Variants in MGAT5B observed in about 807,000 individuals in gnomAD.
MGAT5B encodes alpha-1,6-mannosylglycoprotein 6-beta-N-acetylglucosaminyltransferase B.
A neutral mutation model predicts 95.1 loss-of-function variants in MGAT5B; 54 were observed. That is an observed-to-expected ratio of 0.57 (90% CI 0.46 to 0.71). The LOEUF is 0.71. Ranked by LOEUF, MGAT5B falls within the 30% of genes least tolerant of loss-of-function variation. The pLI, the probability that MGAT5B is intolerant of heterozygous loss-of-function variation, is 0.00. For synonymous variants in MGAT5B, 464 were observed against 451.0 expected (o/e 1.03, Z -0.36); for missense variants, 935 against 1,088.6 (o/e 0.86, Z 1.99).
chr17:76,903,231 C>T (rs937757790), intron 4 of MGAT5B, 72 bp from the exon 5 acceptor site: 1 of 1,211,884 alleles, frequency 8.3e-7, no homozygotes, highest in East Asian at 2.5e-5. Flanking sequence ...GAAGCTGCCT[C>T]CCGCACGCAG....
intron 3 of MGAT5B, among the ~76,000 whole-genome samples, chr17:76,887,500 T>TCC (rs1967693228): frequency 1.7e-5 from 1 of 58,324 alleles, no homozygotes; most frequent in Non-Finnish European, 2.7e-5. Context: ...CCTCCCTTCC[T>TCC]CTCTCCCTCC....
intron 8 of MGAT5B, among the ~76,000 whole-genome samples, 184 bp from the exon 9 acceptor site, chr17:76,924,782 T>C (rs1322203390): frequency 6.6e-6 from 1 of 152,202 alleles, no homozygotes; most frequent in East Asian, 1.9e-4. Flanking sequence ...TGCCCCTTGC[T>C]GGATTGCCTT....
In MGAT5B at chr17:76,938,267, G is replaced by A; in HGVS notation, c.1584+124G>A. The stretch of plus-strand genomic sequence containing the variant: ...TGGACATACCCCAGCATGCTCTGCT[G>A]CCCTGAGCCCCACATCTGGCCAGAG... On this transcript the variant is annotated intron_variant, in intron 13 of 17. Transcript: ENST00000569840. This position sits in a 1 kb window ranked among gnomAD's most constrained non-coding sequence, Gnocchi z 4.3. 1 of 1,290,276 alleles carries A rather than the reference G, an allele frequency of 7.8e-7. No individual in the cohort carries two copies. The highest frequency in any genetic ancestry group is 1.1e-6 in the Non-Finnish European group (1 of 935,402). 79.9% of individuals were successfully genotyped at this position (1,290,276 alleles called of 1,614,324 possible).
chr17:76,943,201 T>C (rs1969922428), intron 15 of MGAT5B, among the ~76,000 whole-genome samples: 1 of 140,944 alleles, frequency 7.1e-6, no homozygotes, highest in South Asian at 2.1e-4. Flanking sequence ...TCCTGTTTGG[T>C]TTTTTTTTAC....
chr17:76,923,660 C>G (rs1555597073), intron 8 of MGAT5B, among the ~76,000 whole-genome samples: 1 of 152,222 alleles, frequency 6.6e-6, no homozygotes, highest in Non-Finnish European at 1.5e-5. Context: ...GATCTCTGCT[C>G]CAGCACCCCC....
rs1295923206 is a variant in MGAT5B at position 76,869,284 on chromosome 17, G to A, written c.68+187G>A. 6.6e-6 allele frequency among the ~76,000 whole-genome samples: 1 copy of A among 152,038 alleles called. No individual in the cohort carries two copies. On this transcript the variant is annotated intron_variant, in intron 1 of 17. Coordinates refer to ENST00000569840, the MANE Select transcript of MGAT5B (RefSeq NM_001199172.2). This position sits in a 1 kb window ranked among gnomAD's most constrained non-coding sequence, Gnocchi z 7.0. Reference sequence around the variant, plus strand: ...TGGGGTTCGGGGTGCGGATGGGGAGGGTTGTGTTATTCGGGGACCTGTCCC... The same window carrying A: ...TGGGGTTCGGGGTGCGGATGGGGAGAGTTGTGTTATTCGGGGACCTGTCCC...
chr17:76,882,361 G>A (rs867627282), intron 3 of MGAT5B, 63 bp downstream of exon 3: 7 of 1,529,922 alleles, frequency 4.6e-6, no homozygotes, highest in Middle Eastern at 4.3e-4. Flanking sequence ...CACTCCATCC[G>A]GGGTGCTGTC....
chr17:76,868,916 G>T lies in MGAT5B; in HGVS notation c.-114G>T, dbSNP rs535829731. On this transcript the variant is annotated 5_prime_UTR_variant, in exon 1 of 18. Transcript: ENST00000569840. The surrounding 1 kb of genome is among the most constrained non-coding windows in gnomAD (Gnocchi z 6.3). The stretch of plus-strand genomic sequence containing the variant: ...CACCGGGCCGCGCGCTCCCAGCTTC[G>T]CTCGGACGCGGCTTCGGCCCGCAGA... 11 of 988,914 alleles carry T rather than the reference G, an allele frequency of 1.1e-5. No homozygotes were observed. The highest frequency in any genetic ancestry group is 1.7e-5 in the African/African-American group (1 of 58,720). 61.3% of individuals were successfully genotyped at this position (988,914 alleles called of 1,614,324 possible). A position where few individuals can be genotyped will look rare whatever the true frequency, so the allele number is the denominator to read the frequency against.
intron 10 of MGAT5B, 147 bp from the exon 11 acceptor site, chr17:76,932,498 G>A: frequency 1.7e-6 from 2 of 1,174,006 alleles, no homozygotes; most frequent in Non-Finnish European, 2.4e-6. Flanking sequence ...CCGGGGCACT[G>A]ATTACACCCT....
Position 76,905,961 on chromosome 17 carries a change from G to T in MGAT5B, c.856-57G>T. On this transcript the variant is annotated intron_variant, in intron 7 of 17. Coordinates refer to ENST00000569840, the MANE Select transcript of MGAT5B (RefSeq NM_001199172.2). This position sits in a 1 kb window ranked among gnomAD's most constrained non-coding sequence, Gnocchi z 4.2. Reference sequence around the variant, plus strand: ...GGTCTCCTGGCCGGTGCCCCGGGGGGGCGGGGCTCAGAGCTGCTGCTCCTC... The same window carrying T: ...GGTCTCCTGGCCGGTGCCCCGGGGGTGCGGGGCTCAGAGCTGCTGCTCCTC... 2.0e-6 allele frequency: 3 copies of T among 1,505,592 alleles called. No individual in the cohort carries two copies. The highest frequency in any genetic ancestry group is 2.7e-6 in the Non-Finnish European group (3 of 1,129,038). 93.3% of individuals were successfully genotyped at this position (1,505,592 alleles called of 1,614,324 possible).
chr17:76,902,546 C>A lies in MGAT5B; in HGVS notation c.330-9C>A. On this transcript the variant is annotated splice_polypyrimidine_tract_variant and intron_variant, in intron 3 of 17. Transcript: ENST00000569840. ...GTTCTGTGGCTCACCTCTGGCTTTT[C>A]CCACTTAGGATGCCCCCTGGGGCCG... The A allele has an allele frequency of 6.4e-7, 1 of 1,570,454 alleles. No individual in the cohort carries two copies. Among genetic ancestry groups the A allele is most frequent in the Non-Finnish European group, 8.7e-7 (1 of 1,155,798 alleles).
In MGAT5B at chr17:76,903,338, A is replaced by G. The variant is rs777308656; in HGVS notation, c.481A>G (p.Ser161Gly). The G allele has an allele frequency of 1.2e-6, 2 of 1,610,442 alleles. No homozygotes were observed. Among genetic ancestry groups the G allele is most frequent in the East Asian group, 2.2e-5 (1 of 44,560 alleles). ...CCGGCGGGACCAGTGTGAGGCACCC[A>G]GTGACCCCAAGTTCCCTGACTGCTC... ...EGRRDQCEAP[S>G]DPKFPDCSGK... The change falls in exon 5 of 18, where the codon AGT (serine) becomes GGT (glycine). Residue 161 changes from serine (S) to glycine (G), a missense_variant. Physicochemically the swap from Ser to Gly is moderately conservative, Grantham distance 56. This residue lies in a region of MGAT5B where 243 missense variants were observed against 228.2 expected (regional missense o/e 1.06). Transcript: ENST00000569840.
chr17:76,925,149 G>C lies in MGAT5B; in HGVS notation c.1157+52G>C, dbSNP rs755310603. ...CGTGGCCCACATGCCAGGGGAGAAA[G>C]CTCCTCCTTCACGCCCTGCCCCCAC... On this transcript the variant is annotated intron_variant, in intron 9 of 17. Transcript: ENST00000569840. The C allele has an allele frequency of 4.4e-6, 7 of 1,605,796 alleles. No homozygotes were observed. The South Asian group carries it at 7.7e-5, about 18-fold the overall frequency.
At position 76,902,361 on chromosome 17, in the gene MGAT5B, T is replaced by C. The variant is rs1245417117; in HGVS notation, c.330-194T>C. ...TCCCGTATGTCTGTAATGTGTGTAC[T>C]GGATGGGGTGGGCTGCCAGCTCCAT... On this transcript the variant is annotated intron_variant, in intron 3 of 17. Coordinates refer to ENST00000569840, the MANE Select transcript of MGAT5B (RefSeq NM_001199172.2). Among the ~76,000 whole-genome samples the C allele has an allele frequency of 2.1e-4, 32 of 152,188 alleles. 1 individual carries two copies. The highest frequency in any genetic ancestry group is 2.1e-3 in the Admixed American group (32 of 15,288).
At chr17:76,926,559 G>C (rs375435034) in intron 9 of MGAT5B, 38 bp from the exon 10 acceptor site, 2 of 1,582,152 alleles carry the variant, frequency 1.3e-6, no homozygotes, top group Admixed American at 3.5e-5. Flanking sequence ...CACACGGGGA[G>C]GTTGCTGACC....
chr17:76,881,287 A>T (rs1423913064), intron 2 of MGAT5B, among the ~76,000 whole-genome samples: 1 of 152,110 alleles, frequency 6.6e-6, no homozygotes, highest in Admixed American at 6.5e-5. Context: ...TTTCTTCTTC[A>T]TAAGGTCTCC....
At chr17:76,937,341 A>G (rs4789381) in intron 12 of MGAT5B, among the ~76,000 whole-genome samples, 27,074 of 152,082 alleles carry the variant, frequency 0.18, 2,617 homozygotes, top group East Asian at 0.4. Flanking sequence ...GGATGGATGG[A>G]TAGATGGATG....
chr17:76,948,767 A>G lies in MGAT5B; in HGVS notation c.2308A>G (p.Lys770Glu). 6.2e-7 allele frequency: 1 copy of G among 1,610,404 alleles called. No individual in the cohort carries two copies. Among genetic ancestry groups the G allele is most frequent in the South Asian group, 1.1e-5 (1 of 90,318 alleles). ...LLFSCAGSNT[K>E]YRRLCPCRDF... ...CTTCAGCTGCGCCGGCTCCAACACCAAGTACCGCCGGCTCTGCCCCTGCCG... is the reference window on the plus strand; with the variant it reads ...CTTCAGCTGCGCCGGCTCCAACACCGAGTACCGCCGGCTCTGCCCCTGCCG... The change falls in exon 18 of 18, where the codon AAG becomes GAG. Residue 770 changes from lysine to glutamate, a missense_variant. Around this residue, in one of 4 missense-constraint regions of MGAT5B, gnomAD observed 440 missense variants for 523.6 expected, o/e 0.84. Coordinates refer to ENST00000569840, the MANE Select transcript of MGAT5B (RefSeq NM_001199172.2).
intron 8 of MGAT5B, among the ~76,000 whole-genome samples, chr17:76,923,158 C>T (rs1969175255): frequency 6.6e-6 from 1 of 152,222 alleles, no homozygotes; most frequent in Non-Finnish European, 1.5e-5. Flanking sequence ...AGCTTCTGAG[C>T]ATGCGCAAAG....
Sources: allele counts gnomAD v4.1 joint callset (sites outside exome capture counted in the v4.1 genomes callset), GRCh38; gene constraint gnomAD v4.1.1; regional missense constraint gnomAD v4.1.1; non-coding constraint Gnocchi (gnomAD v3.1); transcripts MANE v1.5; gene names NCBI Gene and HGNC (gene_info 2026-07-23, HGNC 2026-07-21).